HOXA5: variants seen among roughly 807,000 people sequenced by gnomAD.
HOXA5 encodes the protein homeobox protein Hox-A5.
In HOXA5, 12 loss-of-function variants were observed where a neutral mutation model predicts 20.0. That is an observed-to-expected ratio of 0.60 (90% confidence interval 0.38 to 0.97). HOXA5 has a LOEUF of 0.97. Ranked by LOEUF, HOXA5 falls within the 50% of genes least tolerant of loss-of-function variation. The pLI is 0.00. For missense variants in HOXA5, 352 were observed against 380.3 expected, an observed-to-expected ratio of 0.93 and a Z score of 0.62; for synonymous variants, 159 against 157.7, an observed-to-expected ratio of 1.01 and a Z score of -0.06.
chr7:27,143,215 G>T lies in HOXA5; in HGVS notation c.393C>A (p.Asp131Glu). 1.2e-6 allele frequency: 2 copies of T among 1,610,382 alleles called. No homozygotes were observed. The highest frequency in any genetic ancestry group is 1.7e-6 in the Non-Finnish European group (2 of 1,178,962). ...TGCTGCTGATGTGGGTGCTGCCGGC[G>T]TCGGCCGAGGCGCCGCTGGAGTTGC... is the stretch of plus-strand genomic sequence containing the variant. Reference protein sequence around the residue: ...SLSNSSGASADAGSTHISSRE... With the variant: ...SLSNSSGASAEAGSTHISSRE... Residue 131 changes from aspartate (D) to glutamate (E), a missense_variant, in exon 1 of 2, where the codon GAC becomes GAA. Around this residue, in one of 3 missense-constraint regions of HOXA5, gnomAD observed 319 missense variants for 336.5 expected, o/e 0.95. Transcript: ENST00000222726.
In HOXA5 at chr7:27,143,509, T is replaced by G. The variant is rs764144893; in HGVS notation, c.99A>C (p.Gln33His). 1.9e-6 allele frequency: 3 copies of G among 1,613,776 alleles called. No individual in the cohort carries two copies. The South Asian group carries it at 3.3e-5, about 18-fold the overall frequency. ...NYGDHSSVSE[Q>H]FRDSASMHSG... is the part of the protein sequence containing the mutation. ...AGTGCATGCTCGCCGAGTCCCTGAATTGCTCGCTCACGGAACTATGATCTC... is the reference window on the plus strand; with the variant it reads ...AGTGCATGCTCGCCGAGTCCCTGAAGTGCTCGCTCACGGAACTATGATCTC... Residue 33 changes from glutamine to histidine, a missense_variant, in exon 1 of 2, where the codon CAA (glutamine) becomes CAC (histidine). Gln to His is a conservative substitution (Grantham distance 24). Around this residue, in one of 3 missense-constraint regions of HOXA5, gnomAD observed 319 missense variants for 336.5 expected, o/e 0.95. Transcript: ENST00000222726.
Position 27,141,685 on chromosome 7 carries a change from A to G in HOXA5, c.*150T>C. On this transcript the variant is annotated 3_prime_UTR_variant, in exon 2 of 2. Transcript: ENST00000222726. ...TACTTATACAGGCGCTATAATGGCA[A>G]TAAACAGGCTCATGATTAAAAGATG... is the stretch of plus-strand genomic sequence containing the variant. The G allele has an allele frequency of 1.1e-6, 1 of 943,690 alleles. No individual in the cohort carries two copies. Among genetic ancestry groups the G allele is most frequent in the East Asian group, 2.5e-5 (1 of 39,706 alleles). 58.5% of individuals were successfully genotyped at this position (943,690 alleles called of 1,614,324 possible).
In HOXA5 at chr7:27,142,188, A is replaced by G. The variant is rs528649841; in HGVS notation, c.563-103T>C. On this transcript the variant is annotated intron_variant, in intron 1 of 1. Coordinates refer to ENST00000222726, the MANE Select transcript of HOXA5 (RefSeq NM_019102.4). ...AGCAGGGAACCCAGGCGAAAAGCTCAACAAGTTCTGCCTACCAGCCCGCAC... is the reference window on the plus strand; with the variant it reads ...AGCAGGGAACCCAGGCGAAAAGCTCGACAAGTTCTGCCTACCAGCCCGCAC... 17 of 1,322,778 alleles carry G rather than the reference A, an allele frequency of 1.3e-5. No homozygotes were observed. The African/African-American group carries it at 2.1e-4, about 16-fold the overall frequency. The allele number at this position is 1,322,778 out of a possible 1,614,324, so 81.9% of individuals were successfully genotyped here.
Position 27,143,202 on chromosome 7 carries a change from G to A in HOXA5, c.406C>T (p.His136Tyr). ...CCAACCCCCTCTCTGCTGCTGATGT[G>A]GGTGCTGCCGGCGTCGGCCGAGGCG... The part of the protein sequence containing the change: ...SGASADAGST[H>Y]ISSREGVGTA... The change falls in exon 1 of 2, where the codon CAC becomes TAC. Residue 136 changes from histidine (H) to tyrosine (Y), a missense_variant. His to Tyr is a moderately conservative substitution (Grantham distance 83, BLOSUM62 2). Around this residue, in one of 3 missense-constraint regions of HOXA5, gnomAD observed 319 missense variants for 336.5 expected, o/e 0.95. Transcript: ENST00000222726. 1 of 1,610,964 alleles carries A rather than the reference G, an allele frequency of 6.2e-7. No homozygotes were observed. The highest frequency in any genetic ancestry group is 8.5e-7 in the Non-Finnish European group (1 of 1,179,072).
chr7:27,143,067 G>T lies in HOXA5; in HGVS notation c.541C>A (p.Arg181Ser). ...TTACCATGACTTATGTGCAGCTTGCGCATCCAGGGGTAGATCTGGGGTTGG... is the reference window on the plus strand; with the variant it reads ...TTACCATGACTTATGTGCAGCTTGCTCATCCAGGGGTAGATCTGGGGTTGG... Reference protein sequence around the residue: ...PAQPQIYPWMRKLHISHDNIG... With the variant: ...PAQPQIYPWMSKLHISHDNIG... The change falls in exon 1 of 2, where the codon CGC (arginine) becomes AGC (serine). Residue 181 changes from arginine (R) to serine (S), a missense_variant. Arg to Ser is a moderately radical substitution (Grantham distance 110, BLOSUM62 -1). Coordinates refer to ENST00000222726, the MANE Select transcript of HOXA5 (RefSeq NM_019102.4). The T allele has an allele frequency of 6.5e-7, 1 of 1,533,140 alleles. No homozygotes were observed. The highest frequency in any genetic ancestry group is 1.4e-5 in the African/African-American group (1 of 70,356). 95.0% of individuals were successfully genotyped at this position (1,533,140 alleles called of 1,614,324 possible).
Position 27,143,648 on chromosome 7 carries a change from G to T in HOXA5, c.-41C>A. Reference sequence around the variant, plus strand: ...TGTGCTTGATTTGTGGCTCGCGGTCGTTTGTGCGTCTATAGCACCCTTGCA... The same window carrying T: ...TGTGCTTGATTTGTGGCTCGCGGTCTTTTGTGCGTCTATAGCACCCTTGCA... On this transcript the variant is annotated 5_prime_UTR_variant, in exon 1 of 2. Transcript: ENST00000222726. 1.9e-6 allele frequency: 3 copies of T among 1,553,936 alleles called. No individual in the cohort carries two copies. The highest frequency in any genetic ancestry group is 1.2e-5 in the South Asian group (1 of 80,528).
intron 1 of HOXA5, 79 bp from the exon 2 acceptor site, chr7:27,142,164 G>T: frequency 6.6e-7 from 1 of 1,504,138 alleles, no homozygotes; most frequent in Non-Finnish European, 8.9e-7. Context: ...TGGGTCATGA[G>T]CAGGGAACCC....
chr7:27,142,220 C>T, intron 1 of HOXA5, 135 bp from the exon 2 acceptor site: 1 of 857,314 alleles, frequency 1.2e-6, no homozygotes, highest in Non-Finnish European at 1.8e-6. Flanking sequence ...GCACACCCCT[C>T]CCGAATTTCC....
In HOXA5 at chr7:27,141,113, C is replaced by CAAAAAAAAAAAAAAAAAA. The variant is rs147485948; in HGVS notation, c.*704_*721dup. 4.8e-5 allele frequency: 4 copies of CAAAAAAAAAAAAAAAAAA among 82,942 alleles called. No individual in the cohort carries two copies. Among genetic ancestry groups the CAAAAAAAAAAAAAAAAAA allele is most frequent in the African/African-American group, 2.0e-4 (4 of 20,374 alleles). 5.1% of individuals were successfully genotyped at this position (82,942 alleles called of 1,614,324 possible). On this transcript the variant is annotated 3_prime_UTR_variant, in exon 2 of 2. Transcript: ENST00000222726. ...AGTATTTTTTCCTTAAAAACAAATA[C>CAAAAAAAAAAAAAAAAAA]AAAAAAAAAAAAAAAAAAAAAAAAG...
rs893959050 is a variant in HOXA5 at position 27,142,916 on chromosome 7, G to A, written c.562+130C>T. 11 of 842,640 alleles carry A rather than the reference G, an allele frequency of 1.3e-5. No individual in the cohort carries two copies. The African/African-American group carries it at 1.8e-4, about 14-fold the overall frequency. 52.2% of individuals were successfully genotyped at this position (842,640 alleles called of 1,614,324 possible). A position where few individuals can be genotyped will look rare whatever the true frequency, so the allele number is the denominator to read the frequency against. On this transcript the variant is annotated intron_variant, in intron 1 of 1. Transcript: ENST00000222726. ...AGGAGGAAGGCAGGGGAGGGAGAAC[G>A]GCAAGGAGAGCTCCGCAGGGCTGGG...
rs764768499 is a variant in HOXA5 at position 27,143,257 on chromosome 7, G to C, written c.351C>G (p.Gly117=). The C allele has an allele frequency of 6.2e-7, 1 of 1,608,128 alleles. No individual in the cohort carries two copies. The highest frequency in any genetic ancestry group is 8.5e-7 in the Non-Finnish European group (1 of 1,178,716). The change falls in exon 1 of 2, where the codon GGC becomes GGG. Residue 117 remains glycine, a synonymous_variant. Transcript: ENST00000222726. The stretch of plus-strand genomic sequence containing the variant: ...TGGAGTTGCTTAGGGAGTTTTTCCC[G>C]CCGTGGTGGCTGTCGCTGCCGGGCG... ...APSPGSDSHH[G]GKNSLSNSSG...
At chr7:27,142,876 C>T in intron 1 of HOXA5, 170 bp downstream of exon 1, 1 of 626,532 alleles carries the variant, frequency 1.6e-6, no homozygotes, top group East Asian at 3.0e-5. Flanking sequence ...AGGGTGCTCG[C>T]AAAGAAGAGG....
In HOXA5 at chr7:27,143,468, T is replaced by C. The variant is rs1782647883; in HGVS notation, c.140A>G (p.Tyr47Cys). Residue 47 changes from tyrosine (Y) to cysteine (C), a missense_variant, in exon 1 of 2, where the codon TAC (tyrosine) becomes TGC (cysteine). Physicochemically the swap from Tyr to Cys is radical, Grantham distance 194. Transcript: ENST00000222726. ...GCTGAGATCCATGCCATTGTAGCCG[T>C]AGCCGTACCTGCCGGAGTGCATGCT... ...SASMHSGRYG[Y>C]GYNGMDLSVG... The C allele has an allele frequency of 1.2e-6, 2 of 1,613,810 alleles. No individual in the cohort carries two copies. Among genetic ancestry groups the C allele is most frequent in the Non-Finnish European group, 1.7e-6 (2 of 1,179,916 alleles).
At chr7:27,142,909 G>T (rs1318692108) in intron 1 of HOXA5, 137 bp downstream of exon 1, 3 of 775,632 alleles carry the variant, frequency 3.9e-6, no homozygotes, top group African/African-American at 3.7e-5. Flanking sequence ...GGCAGGGGAG[G>T]GAGAACGGCA....
Position 27,143,400 on chromosome 7 carries a change from C to A in HOXA5, c.208G>T (p.Ala70Ser), listed in dbSNP as rs766695975. 1.4e-5 allele frequency: 23 copies of A among 1,607,584 alleles called. No individual in the cohort carries two copies. Among genetic ancestry groups the A allele is most frequent in the South Asian group, 3.3e-5 (3 of 90,726 alleles). The change falls in exon 1 of 2, where the codon GCC becomes TCC. Residue 70 changes from alanine to serine, a missense_variant. Physicochemically the swap from Ala to Ser is moderately conservative, Grantham distance 99. Around this residue, in one of 3 missense-constraint regions of HOXA5, gnomAD observed 319 missense variants for 336.5 expected, o/e 0.95. Coordinates refer to ENST00000222726, the MANE Select transcript of HOXA5 (RefSeq NM_019102.4). The stretch of plus-strand genomic sequence containing the variant: ...CTGGCGCTGGCAGCGTAGCTGCGGG[C>A]GCGCTCTCCGGAGCCAAAGTGGCCG... Reference protein sequence around the residue: ...GSGHFGSGERARSYAASASAA... With the variant: ...GSGHFGSGERSRSYAASASAA...
chr7:27,143,271 C>T lies in HOXA5; in HGVS notation c.337G>A (p.Asp113Asn), dbSNP rs201542016. Reference sequence around the variant, plus strand: ...GAGTTTTTCCCGCCGTGGTGGCTGTCGCTGCCGGGCGAGGGGGCCACGGCG... The same window carrying T: ...GAGTTTTTCCCGCCGTGGTGGCTGTTGCTGCCGGGCGAGGGGGCCACGGCG... ...CSAVAPSPGS[D>N]SHHGGKNSLS... The change falls in exon 1 of 2, where the codon GAC becomes AAC. Residue 113 changes from aspartate (D) to asparagine (N), a missense_variant. Physicochemically the swap from Asp to Asn is conservative, Grantham distance 23. Coordinates refer to ENST00000222726, the MANE Select transcript of HOXA5 (RefSeq NM_019102.4). 560 of 1,606,056 alleles carry T rather than the reference C, an allele frequency of 3.5e-4. 3 individuals carry two copies. In the East Asian group the frequency reaches 0.011, roughly 30 times the overall value.
Position 27,143,256 on chromosome 7 carries a change from C to T in HOXA5, c.352G>A (p.Gly118Arg), listed in dbSNP as rs1408614195. ...CTGGAGTTGCTTAGGGAGTTTTTCC[C>T]GCCGTGGTGGCTGTCGCTGCCGGGC... is the stretch of plus-strand genomic sequence containing the variant. ...PSPGSDSHHG[G>R]KNSLSNSSGA... The change falls in exon 1 of 2, where the codon GGG becomes AGG. Residue 118 changes from glycine to arginine, a missense_variant. By Grantham distance (125) the Gly-to-Arg change is moderately radical. Coordinates refer to ENST00000222726, the MANE Select transcript of HOXA5 (RefSeq NM_019102.4). The T allele has an allele frequency of 5.0e-6, 8 of 1,608,454 alleles. No individual in the cohort carries two copies. Among genetic ancestry groups the T allele is most frequent in the Non-Finnish European group, 6.8e-6 (8 of 1,178,778 alleles).
rs1313794501 is a variant in HOXA5 at position 27,143,327 on chromosome 7, T to G, written c.281A>C (p.His94Pro). The G allele has an allele frequency of 6.3e-7, 1 of 1,593,918 alleles. No individual in the cohort carries two copies. Among genetic ancestry groups the G allele is most frequent in the African/African-American group, 1.4e-5 (1 of 73,736 alleles). ...PRYSQPATST[H>P]SPQPDPLPCS... ...GGGCAGCGGATCGGGCTGAGGAGAGTGCGTGGACGTGGCCGGCTGGCTGTA... is the reference window on the plus strand; with the variant it reads ...GGGCAGCGGATCGGGCTGAGGAGAGGGCGTGGACGTGGCCGGCTGGCTGTA... The change falls in exon 1 of 2, where the codon CAC becomes CCC. Residue 94 changes from histidine (H) to proline (P), a missense_variant. Coordinates refer to ENST00000222726, the MANE Select transcript of HOXA5 (RefSeq NM_019102.4).
In HOXA5 at chr7:27,143,459, T is replaced by A. The variant is rs779993928; in HGVS notation, c.149A>T (p.Asn50Ile). The part of the protein sequence containing the change: ...MHSGRYGYGY[N>I]GMDLSVGRSG... ...GCGGCCGACGCTGAGATCCATGCCA[T>A]TGTAGCCGTAGCCGTACCTGCCGGA... is the stretch of plus-strand genomic sequence containing the variant. The change falls in exon 1 of 2, where the codon AAT becomes ATT. Residue 50 changes from asparagine (N) to isoleucine (I), a missense_variant. Physicochemically the swap from Asn to Ile is moderately radical, Grantham distance 149 (BLOSUM62 -3). Coordinates refer to ENST00000222726, the MANE Select transcript of HOXA5 (RefSeq NM_019102.4). 1 of 1,613,758 alleles carries A rather than the reference T, an allele frequency of 6.2e-7. No homozygotes were observed. Among genetic ancestry groups the A allele is most frequent in the East Asian group, 2.2e-5 (1 of 44,834 alleles).
Sources: gnomAD v4.1 joint callset for allele counts on GRCh38, gnomAD v4.1.1 for gene constraint, gnomAD v4.1.1 regional missense constraint, MANE v1.5 for transcripts, NCBI Gene and HGNC (gene_info 2026-07-23, HGNC 2026-07-21) for gene names.